Variants in LHFPL3 observed in about 807,000 individuals in gnomAD.
LHFPL3 encodes the protein LHFPL tetraspan subfamily member 3.
Under a neutral mutation model 19.3 loss-of-function variants are expected in LHFPL3, and 5 were observed. The observed-to-expected ratio is 0.26, with a 90% CI of 0.14 to 0.54. The LOEUF is 0.54. Among genes scored for constraint, LHFPL3 ranks in the 20% least tolerant of loss-of-function variants. LHFPL3 has a pLI of 0.94. For synonymous variants in LHFPL3, 133 were observed against 126.2 expected (o/e 1.05, Z -0.36); for missense variants, 249 against 307.4 (o/e 0.81, Z 1.42).
intron 1 of LHFPL3, among the ~76,000 whole-genome samples, chr7:104,676,911 C>T (rs1170564655): frequency 6.6e-6 from 1 of 152,122 alleles, no homozygotes; most frequent in Non-Finnish European, 1.5e-5. Context: ...AGGAAACAGT[C>T]ATTGGTGAGG....
chr7:104,604,698 C>G (rs1271258077), intron 1 of LHFPL3, among the ~76,000 whole-genome samples: 11 of 152,198 alleles, frequency 7.2e-5, no homozygotes, highest in African/African-American at 2.4e-4. Context: ...CTGAAATAAG[C>G]TCCTCCAGGA....
At chr7:104,343,204 T>C (rs1446345349) in intron 1 of LHFPL3, among the ~76,000 whole-genome samples, 1 of 151,866 alleles carries the variant, frequency 6.6e-6, no homozygotes, top group African/African-American at 2.4e-5. Context: ...CCAAGTTTAG[T>C]GTAGAAATAT....
At chr7:104,859,585 C>T (rs534186321) in intron 2 of LHFPL3, among the ~76,000 whole-genome samples, 1 of 152,226 alleles carries the variant, frequency 6.6e-6, no homozygotes, top group South Asian at 2.1e-4. Context: ...AGGAGAATCA[C>T]TTGAACCCGG....
intron 2 of LHFPL3, among the ~76,000 whole-genome samples, chr7:104,863,084 C>T (rs963627628): frequency 1.4e-4 from 22 of 152,164 alleles, no homozygotes; most frequent in Non-Finnish European, 2.8e-4. Context: ...ATGAGCTTTT[C>T]CTAATTAGTC....
chr7:104,518,422 G>A (rs1232633393), intron 1 of LHFPL3, among the ~76,000 whole-genome samples: 1 of 152,056 alleles, frequency 6.6e-6, no homozygotes, highest in Non-Finnish European at 1.5e-5. Context: ...GAAAAGGAAT[G>A]GTATAAAATC....
At chr7:104,504,270 A>G (rs1368034684) in intron 1 of LHFPL3, among the ~76,000 whole-genome samples, 1 of 152,240 alleles carries the variant, frequency 6.6e-6, no homozygotes, top group Non-Finnish European at 1.5e-5. Flanking sequence ...GCTATTGAAG[A>G]GCATGATATA....
rs577871642 is a variant in LHFPL3 at position 104,630,204 on chromosome 7, A to C, written c.446-106471A>C. ...ATTTAAAATGTATATTTTATATTGC[A>C]TGTGTGCACTAAGATCATAGAAGTG... On this transcript the variant is annotated intron_variant, in intron 1 of 2. Transcript: ENST00000424859. Among the ~76,000 whole-genome samples, 23 of 152,306 alleles carry C rather than the reference A, an allele frequency of 1.5e-4. No individual in the cohort carries two copies. In the East Asian group the frequency reaches 4.2e-3, roughly 28 times the overall value.
chr7:104,698,108 G>A (rs1285253103), intron 1 of LHFPL3, among the ~76,000 whole-genome samples: 3 of 152,156 alleles, frequency 2.0e-5, no homozygotes, highest in African/African-American at 7.2e-5. Flanking sequence ...ATTTCAGTCA[G>A]GGCCTTAGTG....
chr7:104,358,617 A>G (rs891323736), intron 1 of LHFPL3, among the ~76,000 whole-genome samples: 1 of 152,214 alleles, frequency 6.6e-6, no homozygotes, highest in East Asian at 1.9e-4. Flanking sequence ...CCATAAAGAC[A>G]ATACAGCATT....
intron 1 of LHFPL3, among the ~76,000 whole-genome samples, chr7:104,334,329 C>A (rs1045706648): frequency 1.3e-5 from 2 of 152,172 alleles, no homozygotes; most frequent in Non-Finnish European, 2.9e-5. Context: ...GGCAGATCAC[C>A]TGAGGTCAGG....
chr7:104,571,340 G>T (rs1396226703), intron 1 of LHFPL3, among the ~76,000 whole-genome samples: 2 of 151,536 alleles, frequency 1.3e-5, no homozygotes, highest in Admixed American at 1.3e-4. Flanking sequence ...TCAGTCTTCA[G>T]TTTTTTTTTC....
chr7:104,363,954 G>C (rs1047845532), intron 1 of LHFPL3, among the ~76,000 whole-genome samples: 1 of 152,138 alleles, frequency 6.6e-6, no homozygotes, highest in Non-Finnish European at 1.5e-5. Flanking sequence ...GATCATCAAG[G>C]CTTGGAATAT....
intron 2 of LHFPL3, among the ~76,000 whole-genome samples, chr7:104,885,182 GC>G (rs1792125512): frequency 6.6e-6 from 1 of 152,178 alleles, no homozygotes; most frequent in Non-Finnish European, 1.5e-5. Context: ...ATATGAAGCT[GC>G]CCAGTTCATG....
chr7:104,489,310 C>A (rs185255742), intron 1 of LHFPL3, among the ~76,000 whole-genome samples: 2 of 36,710 alleles, frequency 5.4e-5, no homozygotes, highest in East Asian at 9.1e-4. Context: ...GTCTCGATCT[C>A]CTGACCTCGT....
At chr7:104,807,255 A>G (rs933184241) in intron 2 of LHFPL3, among the ~76,000 whole-genome samples, 4 of 152,020 alleles carry the variant, frequency 2.6e-5, no homozygotes, top group Non-Finnish European at 4.4e-5. Context: ...GGCAGAGAAG[A>G]GGTTGGGGCG....
At chr7:104,529,353 A>G (rs41066) in intron 1 of LHFPL3, among the ~76,000 whole-genome samples, 103,039 of 152,026 alleles carry the variant, frequency 0.68, 36,790 homozygotes, top group African/African-American at 0.92. Flanking sequence ...TCTGCCCCCA[A>G]TGTCTCCATC....
intron 2 of LHFPL3, chr7:104,895,403 C>G (rs755873423): frequency 2.0e-5 from 3 of 152,204 alleles, no homozygotes; most frequent in Non-Finnish European, 2.9e-5. Context: ...AGCTTTCCTA[C>G]TTCACAACAG....
intron 1 of LHFPL3, among the ~76,000 whole-genome samples, chr7:104,554,865 G>T (rs1437624130): frequency 6.6e-6 from 1 of 152,182 alleles, no homozygotes; most frequent in Non-Finnish European, 1.5e-5. Flanking sequence ...AACCCTGAAG[G>T]CCTGAGAACA....
chr7:104,701,877 T>C (rs540844980), intron 1 of LHFPL3, among the ~76,000 whole-genome samples: 1,847 of 146,388 alleles, frequency 0.013, 12 homozygotes, highest in Non-Finnish European at 0.02. Context: ...TTTAAAAAAA[T>C]TTATTATACT....
Sources: gnomAD v4.1 joint callset for allele counts (sites outside exome capture counted in the v4.1 genomes callset) on GRCh38, gnomAD v4.1.1 for gene constraint, MANE v1.5 for transcripts, NCBI Gene and HGNC (gene_info 2026-07-23, HGNC 2026-07-21) for gene names.